STEAP1B: variants seen among roughly 807,000 people sequenced by gnomAD.
STEAP1B encodes the protein STEAP family protein MGC87042.
In STEAP1B, 13 loss-of-function variants were observed where a neutral mutation model predicts 27.9. The ratio of observed to expected loss-of-function variants is 0.47; its 90% CI spans 0.30 to 0.74. STEAP1B has a LOEUF of 0.74. STEAP1B is among the 30% of genes least tolerant of loss of function. The probability of loss-of-function intolerance (pLI) is 0.06; values close to 1 mark genes in which losing one functional copy is unlikely to be tolerated. For missense variants in STEAP1B, 250 were observed against 298.7 expected (o/e 0.84, Z 1.20); for synonymous variants, 86 against 107.1 (o/e 0.80, Z 1.22).
At chr7:22,430,416 T>C (rs941115649) in intron 4 of STEAP1B, among the ~76,000 whole-genome samples, 3 of 152,234 alleles carry the variant, frequency 2.0e-5, no homozygotes, top group African/African-American at 7.2e-5. Flanking sequence ...AAGTGCATCA[T>C]TAATCTTACG....
At chr7:22,454,677 C>T (rs1024738318) in intron 4 of STEAP1B, among the ~76,000 whole-genome samples, 2 of 151,798 alleles carry the variant, frequency 1.3e-5, no homozygotes, top group African/African-American at 4.8e-5. Context: ...GCCGAGGCTG[C>T]AGGTGCTGCA....
At chr7:22,450,535 T>C (rs1351448441) in intron 4 of STEAP1B, among the ~76,000 whole-genome samples, 1 of 152,106 alleles carries the variant, frequency 6.6e-6, no homozygotes, top group Admixed American at 6.5e-5. Context: ...CTGGACTATG[T>C]GTCTGTTTTT....
intron 4 of STEAP1B, among the ~76,000 whole-genome samples, chr7:22,454,842 T>TAAATATAA (rs1785548243): frequency 8.1e-5 from 3 of 37,064 alleles, no homozygotes; most frequent in South Asian, 1.4e-3. Context: ...TATATATATA[T>TAAATATAA]ATATATGTAT....
At chr7:22,493,875 A>G in intron 2 of STEAP1B, 39 bp from the exon 3 acceptor site, 1 of 1,535,508 alleles carries the variant, frequency 6.5e-7, no homozygotes, top group Non-Finnish European at 8.8e-7. Context: ...AAATTGAACA[A>G]AACAATGGGA....
At chr7:22,466,212 GT>G (rs901691163) in intron 4 of STEAP1B, among the ~76,000 whole-genome samples, 4 of 151,948 alleles carry the variant, frequency 2.6e-5, no homozygotes, top group East Asian at 1.9e-4. Flanking sequence ...GTGTACAACA[GT>G]TTTTTTTCTA....
chr7:22,448,106 A>G (rs976756956), intron 4 of STEAP1B, among the ~76,000 whole-genome samples: 3 of 152,206 alleles, frequency 2.0e-5, no homozygotes, highest in Admixed American at 2.0e-4. Flanking sequence ...GCGAGGCAAC[A>G]TTGTTTACTC....
intron 4 of STEAP1B, among the ~76,000 whole-genome samples, chr7:22,460,833 T>A (rs1785665923): frequency 6.6e-6 from 1 of 152,174 alleles, no homozygotes; most frequent in African/African-American, 2.4e-5. Context: ...AAGCTTCACA[T>A]TTTCAGCTCA....
intron 4 of STEAP1B, among the ~76,000 whole-genome samples, chr7:22,463,027 C>T (rs1454449347): frequency 2.0e-5 from 3 of 152,232 alleles, no homozygotes; most frequent in African/African-American, 7.2e-5. Context: ...GCATAAATGT[C>T]TTCTTTTGAG....
chr7:22,489,945 T>C (rs1015030119), intron 4 of STEAP1B, among the ~76,000 whole-genome samples: 3 of 152,226 alleles, frequency 2.0e-5, no homozygotes, highest in African/African-American at 4.8e-5. Flanking sequence ...ATAAAAGTGC[T>C]GAATTATTTT....
intron 2 of STEAP1B, among the ~76,000 whole-genome samples, chr7:22,494,443 T>TA (rs1385947960): frequency 6.6e-6 from 1 of 151,636 alleles, no homozygotes. Context: ...TTTTTTTTTT[T>TA]AACTTAGAAC....
intron 4 of STEAP1B, among the ~76,000 whole-genome samples, chr7:22,477,195 G>A (rs1446229242): frequency 1.3e-5 from 2 of 152,152 alleles, no homozygotes; most frequent in Non-Finnish European, 2.9e-5. Flanking sequence ...ATTCACAAGG[G>A]GGTGACCCAT....
chr7:22,420,813 C>A (rs1490286922), intron 4 of STEAP1B, among the ~76,000 whole-genome samples: 2 of 152,312 alleles, frequency 1.3e-5, no homozygotes, highest in East Asian at 3.9e-4. Context: ...CATGTATAAA[C>A]TCTCTAATCC....
chr7:22,498,126 C>G (rs189245017), intron 1 of STEAP1B, among the ~76,000 whole-genome samples: 4 of 152,178 alleles, frequency 2.6e-5, no homozygotes, highest in Non-Finnish European at 5.9e-5. Flanking sequence ...CAGTAATGCT[C>G]GCTGGCCTGC....
At chr7:22,483,762 T>C (rs1199440102) in intron 4 of STEAP1B, among the ~76,000 whole-genome samples, 1 of 152,146 alleles carries the variant, frequency 6.6e-6, no homozygotes, top group Non-Finnish European at 1.5e-5. Flanking sequence ...CTAATTTCAG[T>C]GTTGGATCTT....
chr7:22,443,676 C>A (rs1785367176), intron 4 of STEAP1B, among the ~76,000 whole-genome samples: 2 of 152,216 alleles, frequency 1.3e-5, no homozygotes, highest in South Asian at 4.1e-4. Flanking sequence ...CAGGAGTCAT[C>A]GGAGAAAGGA....
intron 4 of STEAP1B, among the ~76,000 whole-genome samples, chr7:22,439,516 C>T (rs1294663767): frequency 6.6e-6 from 1 of 151,866 alleles, no homozygotes; most frequent in African/African-American, 2.4e-5. Flanking sequence ...ATTGTTGGGA[C>T]TGCTGCTATA....
chr7:22,471,716 A>G (rs1785887769), intron 4 of STEAP1B, among the ~76,000 whole-genome samples: 1 of 152,058 alleles, frequency 6.6e-6, no homozygotes, highest in African/African-American at 2.4e-5. Flanking sequence ...AGCCTGGGCA[A>G]TATAGCAAGA....
chr7:22,489,077 A>G (rs1013113479), intron 4 of STEAP1B, among the ~76,000 whole-genome samples: 5 of 152,218 alleles, frequency 3.3e-5, no homozygotes, highest in African/African-American at 1.2e-4. Context: ...AATAGATTCA[A>G]ACCAGGCAGG....
intron 4 of STEAP1B, among the ~76,000 whole-genome samples, chr7:22,481,570 T>C (rs1418335553): frequency 6.6e-6 from 1 of 152,206 alleles, no homozygotes; most frequent in Non-Finnish European, 1.5e-5. Context: ...GAACCTGTAT[T>C]TTAACAAGAT....
Sources: gnomAD v4.1 joint callset for allele counts (sites outside exome capture counted in the v4.1 genomes callset) on GRCh38, gnomAD v4.1.1 for gene constraint, MANE v1.5 for transcripts, NCBI Gene and HGNC (gene_info 2026-07-23, HGNC 2026-07-21) for gene names.